The following NRG3 variants were observed in gnomAD, a reference collection of about 807,000 sequenced individuals.
The protein encoded by NRG3 is neuregulin 3.
Under a neutral mutation model 66.9 loss-of-function variants are expected in NRG3, and 31 were observed. The observed-to-expected ratio is 0.46, with a 90% CI of 0.35 to 0.63. The LOEUF (loss-of-function observed/expected upper bound fraction) is 0.63. Ranked by LOEUF, NRG3 falls within the 20% of genes least tolerant of loss-of-function variation. NRG3 has a pLI of 0.00. For synonymous variants in NRG3, 393 were observed against 359.4 expected (o/e 1.09, Z -1.06); for missense variants, 910 against 878.9 (o/e 1.04, Z -0.45).
intron 1 of NRG3, among the ~76,000 whole-genome samples, chr10:82,257,867 T>C (rs1025368489): frequency 1.3e-5 from 2 of 152,232 alleles, no homozygotes; most frequent in Admixed American, 6.5e-5. Flanking sequence ...ATAGTATTAA[T>C]ATGGAATGAA....
intron 1 of NRG3, among the ~76,000 whole-genome samples, chr10:82,306,272 TA>T (rs1238123431): frequency 6.6e-6 from 1 of 152,224 alleles, no homozygotes; most frequent in African/African-American, 2.4e-5. Context: ...ACATTACAAT[TA>T]TTAGGTAATA....
chr10:82,280,661 G>A (rs1020823821), intron 1 of NRG3, among the ~76,000 whole-genome samples: 15 of 152,014 alleles, frequency 9.9e-5, no homozygotes, highest in African/African-American at 3.4e-4. Context: ...CCTTTTCTCC[G>A]CAAGGTCTGT....
intron 2 of NRG3, among the ~76,000 whole-genome samples, chr10:82,402,414 C>T (rs1470138514): frequency 6.6e-6 from 1 of 152,042 alleles, no homozygotes; most frequent in African/African-American, 2.4e-5. Context: ...AGCTTTTCTC[C>T]TTTTCTAACC....
intron 2 of NRG3, among the ~76,000 whole-genome samples, chr10:82,665,481 G>A (rs1446056297): frequency 1.3e-5 from 2 of 151,948 alleles, no homozygotes; most frequent in African/African-American, 4.8e-5. Flanking sequence ...ATCACACTTT[G>A]GATCTAATCA....
chr10:82,609,891 A>G (rs1351963126), intron 2 of NRG3, among the ~76,000 whole-genome samples: 1 of 152,190 alleles, frequency 6.6e-6, no homozygotes, highest in Non-Finnish European at 1.5e-5. Context: ...TTAAAGTAAA[A>G]CAAAATTATT....
chr10:82,388,348 G>A (rs1436198407), intron 2 of NRG3, among the ~76,000 whole-genome samples: 1 of 152,138 alleles, frequency 6.6e-6, no homozygotes, highest in Admixed American at 6.6e-5. Context: ...GAATGTATTT[G>A]CTTGTGTATG....
intron 1 of NRG3, among the ~76,000 whole-genome samples, chr10:81,981,687 C>A (rs2133470050): frequency 6.6e-6 from 1 of 152,324 alleles, no homozygotes; most frequent in Admixed American, 6.5e-5. Context: ...AGTGGCAGTC[C>A]CGCCAATCTC....
chr10:82,386,366 G>A (rs905902475), intron 2 of NRG3, among the ~76,000 whole-genome samples: 3 of 151,946 alleles, frequency 2.0e-5, no homozygotes, highest in South Asian at 2.1e-4. Context: ...GAGTGGCATG[G>A]GTTTATTTAG....
intron 2 of NRG3, among the ~76,000 whole-genome samples, chr10:82,636,107 G>A (rs1239205260): frequency 1.3e-5 from 2 of 152,090 alleles, no homozygotes; most frequent in African/African-American, 2.4e-5. Context: ...TCTCTTTGGA[G>A]GGGAAGAAAA....
intron 4 of NRG3, among the ~76,000 whole-genome samples, chr10:82,899,624 T>C (rs1294272089): frequency 6.6e-6 from 1 of 152,250 alleles, no homozygotes; most frequent in African/African-American, 2.4e-5. Context: ...TTGTTATTCT[T>C]ATAGACAAAT....
intron 1 of NRG3, among the ~76,000 whole-genome samples, chr10:82,135,361 A>G (rs1475172942): frequency 6.6e-6 from 1 of 151,938 alleles, no homozygotes; most frequent in South Asian, 2.1e-4. Context: ...AACTTTCTTT[A>G]ATTGACTATT....
intron 1 of NRG3, among the ~76,000 whole-genome samples, chr10:82,172,392 T>A (rs2072694796): frequency 6.6e-6 from 1 of 152,106 alleles, no homozygotes; most frequent in Non-Finnish European, 1.5e-5. Flanking sequence ...GGGTTACTGC[T>A]TGTCTTTGAT....
At chr10:81,929,787 C>G (rs1294985888) in intron 1 of NRG3, among the ~76,000 whole-genome samples, 2 of 152,188 alleles carry the variant, frequency 1.3e-5, no homozygotes, top group East Asian at 1.9e-4. Context: ...TTGAATTTAT[C>G]TGGCCAGGCA....
intron 2 of NRG3, among the ~76,000 whole-genome samples, chr10:82,730,105 A>C (rs1186166811): frequency 1.9e-5 from 2 of 104,698 alleles, no homozygotes; most frequent in African/African-American, 8.5e-5. Flanking sequence ...TTTTTTTTTG[A>C]GACGGAGTCT....
At chr10:82,874,488 A>C (rs1166488544) in intron 4 of NRG3, among the ~76,000 whole-genome samples, 1 of 151,628 alleles carries the variant, frequency 6.6e-6, no homozygotes, top group Non-Finnish European at 1.5e-5. Flanking sequence ...ATTTCTGTAT[A>C]GAATAAAATG....
intron 2 of NRG3, among the ~76,000 whole-genome samples, chr10:82,371,642 C>A (rs935908717): frequency 6.6e-6 from 1 of 151,936 alleles, no homozygotes; most frequent in Non-Finnish European, 1.5e-5. Context: ...ATACCTGAGG[C>A]TGGGTAATTT....
chr10:82,631,640 G>T (rs2133729626), intron 2 of NRG3, among the ~76,000 whole-genome samples: 1 of 146,754 alleles, frequency 6.8e-6, no homozygotes, highest in African/African-American at 2.5e-5. Flanking sequence ...CCTCCACGTT[G>T]GCACTGAATT....
chr10:82,126,231 G>A (rs2068441672), intron 1 of NRG3, among the ~76,000 whole-genome samples: 1 of 152,002 alleles, frequency 6.6e-6, no homozygotes, highest in African/African-American at 2.4e-5. Context: ...ATATCATAAG[G>A]TTGTTATTAC....
intron 3 of NRG3, among the ~76,000 whole-genome samples, chr10:82,804,912 T>C (rs890257383): frequency 7.9e-5 from 12 of 152,220 alleles, no homozygotes; most frequent in African/African-American, 2.9e-4. Context: ...ATACTTTATC[T>C]AATTAGATAC....
Sources: allele counts gnomAD v4.1 joint callset (sites outside exome capture counted in the v4.1 genomes callset), GRCh38; gene constraint gnomAD v4.1.1; transcripts MANE v1.5; gene names NCBI Gene and HGNC (gene_info 2026-07-23, HGNC 2026-07-21).